Variants in REEP5 observed in about 807,000 individuals in gnomAD.
REEP5 encodes the protein receptor accessory protein 5, also known as receptor expression-enhancing protein 5.
A neutral mutation model predicts 22.4 loss-of-function variants in REEP5; 24 were observed. The ratio of observed to expected loss-of-function variants is 1.07; its 90% CI spans 0.78 to 1.51. REEP5 has a LOEUF of 1.51. REEP5 is among the 40% of genes most tolerant of loss of function. REEP5 has a pLI of 0.00. For missense variants in REEP5, 252 were observed against 233.0 expected, an observed-to-expected ratio of 1.08 and a Z score of -0.53; for synonymous variants, 103 against 88.6, an observed-to-expected ratio of 1.16 and a Z score of -0.92.
intron 2 of REEP5, among the ~76,000 whole-genome samples, chr5:112,910,745 A>G (rs1769084985): frequency 6.6e-6 from 1 of 152,212 alleles, no homozygotes. Flanking sequence ...CAAAAATCCT[A>G]TTACAGCAAC....
chr5:112,921,213 T>A lies in REEP5; in HGVS notation c.162A>T (p.Gly54=), dbSNP rs566604759. 3.1e-6 allele frequency: 5 copies of A among 1,613,762 alleles called. No individual in the cohort carries two copies. The African/African-American group carries it at 6.7e-5, about 22-fold the overall frequency. Residue 54 remains glycine (G), a synonymous_variant, in exon 2 of 5, where the codon GGA becomes GGT. Coordinates refer to ENST00000379638, the MANE Select transcript of REEP5 (RefSeq NM_005669.5). The part of the protein sequence containing the change: ...LVALYLVFGY[G]ASLLCNLIGF... ...CTATCAGGTTGCAGAGGAGAGAGGC[T>A]CCATAACCGAACACCAGGTACAAGG...
At chr5:112,879,947 C>T (rs1339407600) in intron 4 of REEP5, among the ~76,000 whole-genome samples, 1 of 151,600 alleles carries the variant, frequency 6.6e-6, no homozygotes, top group Non-Finnish European at 1.5e-5. Flanking sequence ...ATTTTAAAAG[C>T]CCATCTCTAG....
chr5:112,891,136 A>G lies in REEP5; in HGVS notation c.352-3953T>C, dbSNP rs944125490. 2.8e-5 allele frequency among the ~76,000 whole-genome samples: 4 copies of G among 142,304 alleles called. No homozygotes were observed. The Admixed American group carries it at 2.8e-4, about 10-fold the overall frequency. The allele number at this position is 142,304 out of a possible 152,430, so 93.4% of individuals were successfully genotyped here. On this transcript the variant is annotated intron_variant, in intron 3 of 4. Transcript: ENST00000379638. Reference sequence around the variant, plus strand: ...CACCCAGGCTGGAGTGTAGTGGCACAGTCTTGGCTCACTGCAACCTCTGCC... The same window carrying G: ...CACCCAGGCTGGAGTGTAGTGGCACGGTCTTGGCTCACTGCAACCTCTGCC...
intron 2 of REEP5, among the ~76,000 whole-genome samples, chr5:112,914,612 T>C (rs149710158): frequency 4.1e-4 from 63 of 152,356 alleles, no homozygotes; most frequent in Middle Eastern, 3.4e-3. Flanking sequence ...CCAGTGGTTC[T>C]ATAAGTATCT....
chr5:112,912,783 T>C (rs2150047344), intron 2 of REEP5, among the ~76,000 whole-genome samples: 1 of 152,250 alleles, frequency 6.6e-6, no homozygotes, highest in Middle Eastern at 3.4e-3. Flanking sequence ...TAATTCAAAA[T>C]GGTTTTCCTA....
At chr5:112,909,290 T>A (rs568933059) in intron 2 of REEP5, among the ~76,000 whole-genome samples, 5 of 150,278 alleles carry the variant, frequency 3.3e-5, no homozygotes, top group African/African-American at 1.2e-4. Context: ...AGTTAATATA[T>A]GTAAAGCACT....
chr5:112,911,987 A>G (rs1769114158), intron 2 of REEP5, among the ~76,000 whole-genome samples: 1 of 152,238 alleles, frequency 6.6e-6, no homozygotes, highest in Non-Finnish European at 1.5e-5. Context: ...GCTTAATGAC[A>G]CAAAGTTAAA....
chr5:112,903,073 C>CA (rs1167865443), intron 2 of REEP5, among the ~76,000 whole-genome samples: 2 of 152,178 alleles, frequency 1.3e-5, no homozygotes. Context: ...TTAACTGATC[C>CA]ACAGGCTATG....
chr5:112,915,172 G>A (rs1401402278), intron 2 of REEP5, among the ~76,000 whole-genome samples: 2 of 151,502 alleles, frequency 1.3e-5, no homozygotes, highest in African/African-American at 4.9e-5. Context: ...ACGACAGAAA[G>A]AAGGACAAAT....
At chr5:112,914,009 G>C (rs1235464552) in intron 2 of REEP5, among the ~76,000 whole-genome samples, 1 of 151,416 alleles carries the variant, frequency 6.6e-6, no homozygotes, top group Non-Finnish European at 1.5e-5. Context: ...CAAAAAATTA[G>C]TACACACCTG....
chr5:112,906,590 C>A (rs919968075), intron 2 of REEP5, among the ~76,000 whole-genome samples: 2 of 152,206 alleles, frequency 1.3e-5, no homozygotes, highest in African/African-American at 4.8e-5. Context: ...ACTCTACTCA[C>A]CTGGATTTGC....
At position 112,876,415 on chromosome 5, in the gene REEP5, A is replaced by G. The variant is rs1767896251; in HGVS notation, c.*2371T>C. ...TGAGAACTCAATTTTATTTACATCT[A>G]TTTATTTCCATTCAGTGTATCACAT... On this transcript the variant is annotated 3_prime_UTR_variant, in exon 5 of 5. Coordinates refer to ENST00000379638, the MANE Select transcript of REEP5 (RefSeq NM_005669.5). The G allele has an allele frequency of 6.6e-6, 1 of 152,206 alleles. No individual in the cohort carries two copies. The highest frequency in any genetic ancestry group is 1.5e-5 in the Non-Finnish European group (1 of 68,032). The allele number at this position is 152,206 out of a possible 1,614,324, so 9.4% of individuals were successfully genotyped here. A position where few individuals can be genotyped will look rare whatever the true frequency, so the allele number is the denominator to read the frequency against.
rs773618849 is a variant in REEP5, at chr5:112,902,556, A to T, written c.213-38T>A. 16 of 1,523,282 alleles carry T rather than the reference A, an allele frequency of 1.1e-5. No individual in the cohort carries two copies. The East Asian group carries it at 3.5e-4, about 33-fold the overall frequency. 94.4% of individuals were successfully genotyped at this position (1,523,282 alleles called of 1,614,324 possible). ...ACAAAAGAAAGTATATCATTTGGTAAGATATCAATGAAAGATTTTCAAATA... is the reference window on the plus strand; with the variant it reads ...ACAAAAGAAAGTATATCATTTGGTATGATATCAATGAAAGATTTTCAAATA... On this transcript the variant is annotated intron_variant, in intron 2 of 4. Coordinates refer to ENST00000379638, the MANE Select transcript of REEP5 (RefSeq NM_005669.5).
chr5:112,920,187 C>T (rs1769324147), intron 2 of REEP5, among the ~76,000 whole-genome samples: 1 of 152,198 alleles, frequency 6.6e-6, no homozygotes, highest in African/African-American at 2.4e-5. Flanking sequence ...AATTTAATTG[C>T]TCAAATCAGA....
intron 2 of REEP5, among the ~76,000 whole-genome samples, chr5:112,905,552 AAAAC>A (rs1178269892): frequency 4.3e-5 from 6 of 140,734 alleles, no homozygotes; most frequent in Non-Finnish European, 6.2e-5. Flanking sequence ...AAAAAAAAAC[AAAAC>A]AAAAAAAAAA....
intron 4 of REEP5, among the ~76,000 whole-genome samples, chr5:112,880,769 T>A (rs564919656): frequency 6.6e-6 from 1 of 152,034 alleles, no homozygotes; most frequent in Non-Finnish European, 1.5e-5. Flanking sequence ...TAGACAGAAA[T>A]GACATCACCA....
rs1767925034 is a variant in REEP5, at chr5:112,877,240, T to G, written c.*1546A>C. The stretch of plus-strand genomic sequence containing the variant: ...TAGTATTGATATCTTTAATATTTTT[T>G]ACATCATGAGACATTGTTATGATCT... On this transcript the variant is annotated 3_prime_UTR_variant, in exon 5 of 5. Coordinates refer to ENST00000379638, the MANE Select transcript of REEP5 (RefSeq NM_005669.5). 2 of 152,230 alleles carry G rather than the reference T, an allele frequency of 1.3e-5. No individual in the cohort carries two copies. The highest frequency in any genetic ancestry group is 2.9e-5 in the Non-Finnish European group (2 of 68,040). 9.4% of individuals were successfully genotyped at this position (152,230 alleles called of 1,614,324 possible).
At chr5:112,906,149 T>C (rs569405205) in intron 2 of REEP5, among the ~76,000 whole-genome samples, 49 of 152,346 alleles carry the variant, frequency 3.2e-4, no homozygotes, top group African/African-American at 9.4e-4. Context: ...AGCCATAGAA[T>C]GGAGGGGTAG....
chr5:112,921,783 A>C, intron 1 of REEP5: 1 of 289,632 alleles, frequency 3.5e-6, no homozygotes, highest in Non-Finnish European at 6.5e-6. Flanking sequence ...GACAGCAGGA[A>C]TAGGGCGCCG....
Sources: allele counts gnomAD v4.1 joint callset (sites outside exome capture counted in the v4.1 genomes callset), GRCh38; gene constraint gnomAD v4.1.1; transcripts MANE v1.5; gene names NCBI Gene and HGNC (gene_info 2026-07-23, HGNC 2026-07-21).